Variants in YES1 observed in about 807,000 individuals in gnomAD.
YES1 encodes the protein tyrosine-protein kinase Yes.
YES1 carries 39 observed loss-of-function variants against 70.4 expected under a neutral mutation model. The ratio of observed to expected loss-of-function variants is 0.55; its 90% CI spans 0.43 to 0.72. The LOEUF (loss-of-function observed/expected upper bound fraction) is 0.72, where lower values mean the gene tolerates loss of function less well. YES1 is among the 30% of genes least tolerant of loss of function. YES1 has a pLI of 0.00. For missense variants in YES1, 495 were observed against 644.8 expected, an observed-to-expected ratio of 0.77 and a Z score of 2.52; for synonymous variants, 198 against 218.6, an observed-to-expected ratio of 0.91 and a Z score of 0.83.
chr18:810,672 C>T (rs932385417), intron 1 of YES1, among the ~76,000 whole-genome samples: 3 of 152,112 alleles, frequency 2.0e-5, no homozygotes, highest in Admixed American at 6.6e-5. Context: ...AATTGTCAAC[C>T]AGCATTTAAA....
intron 1 of YES1, among the ~76,000 whole-genome samples, chr18:802,218 CA>C (rs1377990138): frequency 6.6e-6 from 1 of 152,116 alleles, no homozygotes; most frequent in Non-Finnish European, 1.5e-5. Flanking sequence ...CACTGCACTC[CA>C]GCCTGGGCAA....
intron 6 of YES1, 92 bp downstream of exon 6, chr18:745,616 G>C: frequency 8.2e-7 from 1 of 1,220,744 alleles, no homozygotes; most frequent in Admixed American, 2.2e-5. Context: ...GTAAATAAGT[G>C]TGTTAAATCT....
At position 781,218 on chromosome 18, in the gene YES1, G is replaced by A. The variant is rs377351610; in HGVS notation, c.-8-24383C>T. 1.3e-4 allele frequency among the ~76,000 whole-genome samples: 19 copies of A among 149,516 alleles called. No individual in the cohort carries two copies. In the East Asian group the frequency reaches 1.6e-3, roughly 12 times the overall value. Reference sequence around the variant, plus strand: ...TGGGAGATGGAGGTTGCAGTGAGCCGAGATCGCGCCATTGCACTGCAGCCT... The same window carrying A: ...TGGGAGATGGAGGTTGCAGTGAGCCAAGATCGCGCCATTGCACTGCAGCCT... On this transcript the variant is annotated intron_variant, in intron 1 of 11. Coordinates refer to ENST00000314574, the MANE Select transcript of YES1 (RefSeq NM_005433.4).
At chr18:739,186 T>C (rs923943323) in intron 9 of YES1, 2 of 152,256 alleles carry the variant, frequency 1.3e-5, no homozygotes, top group Non-Finnish European at 2.9e-5. Context: ...AAGAGTTAGA[T>C]AGCTGGTTCT....
chr18:729,287 C>G (rs1164573718), intron 11 of YES1, among the ~76,000 whole-genome samples: 1 of 152,138 alleles, frequency 6.6e-6, no homozygotes, highest in South Asian at 2.1e-4. Flanking sequence ...GGGTGGCTCA[C>G]GCCTGTAATC....
rs762365121 is a variant in YES1, at chr18:724,576, G to A, written c.1480C>T (p.Pro494Ser). The stretch of plus-strand genomic sequence containing the variant: ...TGGAGGGATTCTGGACAGCCCTGAG[G>A]GCACGGCATCCTGTATCCTCGCTCC... ...QVERGYRMPC[P>S]QGCPESLHEL... Residue 494 changes from proline to serine, a missense_variant, in exon 12 of 12, where the codon CCT becomes TCT. Pro to Ser is a moderately conservative substitution (Grantham distance 74). Coordinates refer to ENST00000314574, the MANE Select transcript of YES1 (RefSeq NM_005433.4). 3.7e-6 allele frequency: 6 copies of A among 1,613,934 alleles called. No individual in the cohort carries two copies. The highest frequency in any genetic ancestry group is 1.3e-5 in the African/African-American group (1 of 74,870).
chr18:797,386 T>A (rs1906600963), intron 1 of YES1, among the ~76,000 whole-genome samples: 1 of 152,146 alleles, frequency 6.6e-6, no homozygotes, highest in Non-Finnish European at 1.5e-5. Context: ...TCCCTGGCTC[T>A]GTTTATCACC....
intron 9 of YES1, 178 bp from the exon 10 acceptor site, chr18:737,139 A>G: frequency 1.7e-6 from 1 of 585,070 alleles, no homozygotes; most frequent in Non-Finnish European, 2.8e-6. Context: ...ATAAAAATGC[A>G]GGCTAAATTC....
Position 736,917 on chromosome 18 carries a change from G to A in YES1, c.1182C>T (p.His394=). 1 of 1,611,708 alleles carries A rather than the reference G, an allele frequency of 6.2e-7. No homozygotes were observed. The highest frequency in any genetic ancestry group is 8.5e-7 in the Non-Finnish European group (1 of 1,179,944). ...GAATATTAGCAGCCCGAAGATCTCG[G>A]TGAATATAGTTCATTCTTTCAATAT... ...MAYIERMNYI[H]RDLRAANILV... The change falls in exon 10 of 12, where the codon CAC becomes CAT. Residue 394 remains histidine, a synonymous_variant. Coordinates refer to ENST00000314574, the MANE Select transcript of YES1 (RefSeq NM_005433.4).
At chr18:724,916 T>TA (rs1251748878) in intron 11 of YES1, among the ~76,000 whole-genome samples, 6 of 152,186 alleles carry the variant, frequency 3.9e-5, no homozygotes, top group African/African-American at 1.4e-4. Flanking sequence ...TTTAGGGTGC[T>TA]ACTATGAGGT....
intron 1 of YES1, among the ~76,000 whole-genome samples, chr18:796,544 C>A (rs1598943094): frequency 6.6e-6 from 1 of 152,082 alleles, no homozygotes; most frequent in East Asian, 1.9e-4. Context: ...CCGAGGCGGG[C>A]AGATCACAAG....
chr18:737,201 C>A, intron 9 of YES1: 1 of 342,186 alleles, frequency 2.9e-6, no homozygotes, highest in Non-Finnish European at 5.3e-6. Flanking sequence ...ACCTATAATC[C>A]CATTAATTTG....
intron 2 of YES1, among the ~76,000 whole-genome samples, chr18:756,282 TG>T (rs5822577): frequency 1.3e-3 from 197 of 149,408 alleles, no homozygotes; most frequent in Admixed American, 2.1e-3. Context: ...GTGCCTACAG[TG>T]GGGGGGGGCT....
intron 1 of YES1, among the ~76,000 whole-genome samples, chr18:769,805 T>C (rs1905076431): frequency 6.6e-6 from 1 of 152,204 alleles, no homozygotes; most frequent in Non-Finnish European, 1.5e-5. Flanking sequence ...CCCTTTTATA[T>C]ATTCCTGAAA....
intron 1 of YES1, among the ~76,000 whole-genome samples, chr18:757,743 A>G (rs1172392104): frequency 6.6e-6 from 1 of 151,890 alleles, no homozygotes; most frequent in Non-Finnish European, 1.5e-5. Context: ...AATCACTTGA[A>G]CCCAGGAGGA....
chr18:745,022 T>C (rs1278704305), intron 6 of YES1, among the ~76,000 whole-genome samples: 3 of 152,134 alleles, frequency 2.0e-5, no homozygotes, highest in African/African-American at 7.2e-5. Context: ...GGTAACATGC[T>C]TGATCAATGT....
intron 1 of YES1, among the ~76,000 whole-genome samples, chr18:771,339 C>A (rs896595083): frequency 6.6e-6 from 1 of 151,676 alleles, no homozygotes; most frequent in African/African-American, 2.4e-5. Flanking sequence ...TACACTACAG[C>A]CTGGGGAATA....
At chr18:751,476 C>T (rs2080342709) in intron 3 of YES1, among the ~76,000 whole-genome samples, 1 of 152,150 alleles carries the variant, frequency 6.6e-6, no homozygotes, top group Non-Finnish European at 1.5e-5. Context: ...ATTCTTAAAT[C>T]TCTACTGTTT....
chr18:749,702 CA>C (rs937749662), intron 3 of YES1, among the ~76,000 whole-genome samples: 5 of 149,524 alleles, frequency 3.3e-5, no homozygotes, highest in South Asian at 4.3e-4. Context: ...AAAAAAAAAA[CA>C]AAAAAAATTA....
Sources: gnomAD v4.1 joint callset for allele counts (sites outside exome capture counted in the v4.1 genomes callset) on GRCh38, gnomAD v4.1.1 for gene constraint, MANE v1.5 for transcripts, NCBI Gene and HGNC (gene_info 2026-07-23, HGNC 2026-07-21) for gene names.